TMTC2: variants seen among roughly 807,000 people sequenced by gnomAD.
TMTC2 encodes transmembrane O-mannosyltransferase targeting cadherins 2.
Under a neutral mutation model 82.4 loss-of-function variants are expected in TMTC2, and 43 were observed. That is an observed-to-expected ratio of 0.52 (90% CI 0.41 to 0.67). TMTC2 has a LOEUF of 0.67. TMTC2 is among the 30% of genes least tolerant of loss of function. The pLI, the probability that TMTC2 is intolerant of heterozygous loss-of-function variation, is 0.00. For synonymous variants in TMTC2, 408 were observed against 381.9 expected, an observed-to-expected ratio of 1.07 and a Z score of -0.80; for missense variants, 919 against 1,012.4, an observed-to-expected ratio of 0.91 and a Z score of 1.25.
At chr12:83,072,085 G>A (rs1592729117) in intron 11 of TMTC2, among the ~76,000 whole-genome samples, 2 of 151,978 alleles carry the variant, frequency 1.3e-5, no homozygotes, top group African/African-American at 2.4e-5. Flanking sequence ...CTAATTCCTC[G>A]AGGTGTGACC....
At chr12:82,703,498 C>CTTTT (rs539968079) in intron 1 of TMTC2, among the ~76,000 whole-genome samples, 19 of 121,644 alleles carry the variant, frequency 1.6e-4, no homozygotes, top group African/African-American at 1.9e-4. Context: ...TAGTTTCTTT[C>CTTTT]TTTTTTTTTT....
At chr12:82,769,322 A>G (rs1030848830) in intron 1 of TMTC2, among the ~76,000 whole-genome samples, 3 of 151,778 alleles carry the variant, frequency 2.0e-5, no homozygotes, top group Non-Finnish European at 2.9e-5. Flanking sequence ...AAAAAAATAC[A>G]AAAATTAGCC....
At chr12:82,877,631 T>A (rs538318326) in intron 2 of TMTC2, among the ~76,000 whole-genome samples, 4 of 152,300 alleles carry the variant, frequency 2.6e-5, no homozygotes, top group Admixed American at 2.6e-4. Flanking sequence ...TCTTCTCTCC[T>A]TCCTTATAAC....
At chr12:82,735,615 G>A (rs1436535543) in intron 1 of TMTC2, among the ~76,000 whole-genome samples, 1 of 150,678 alleles carries the variant, frequency 6.6e-6, no homozygotes, top group Non-Finnish European at 1.5e-5. Flanking sequence ...AAAGTGCTGG[G>A]ATTACAGGCG....
intron 7 of TMTC2, among the ~76,000 whole-genome samples, chr12:82,976,047 A>G (rs1239906240): frequency 6.6e-6 from 1 of 152,166 alleles, no homozygotes; most frequent in Non-Finnish European, 1.5e-5. Flanking sequence ...CCTGTCCCCA[A>G]CATACTCGTG....
At chr12:82,897,692 A>C (rs573544281) in intron 3 of TMTC2, among the ~76,000 whole-genome samples, 1 of 151,810 alleles carries the variant, frequency 6.6e-6, no homozygotes, top group Non-Finnish European at 1.5e-5. Context: ...CACCTGGCTA[A>C]TTTTTGTATT....
chr12:83,081,015 T>A (rs1285041087), intron 11 of TMTC2, among the ~76,000 whole-genome samples: 1 of 152,232 alleles, frequency 6.6e-6, no homozygotes, highest in African/African-American at 2.4e-5. Flanking sequence ...AGTGGTGTTG[T>A]GGTCCCTATC....
intron 11 of TMTC2, among the ~76,000 whole-genome samples, chr12:83,080,616 C>A (rs1883433248): frequency 6.6e-6 from 1 of 152,160 alleles, no homozygotes; most frequent in African/African-American, 2.4e-5. Context: ...AAACCCCAGG[C>A]AGCCGGGTTT....
At chr12:82,764,589 C>T (rs948107838) in intron 1 of TMTC2, among the ~76,000 whole-genome samples, 64 of 152,090 alleles carry the variant, frequency 4.2e-4, no homozygotes, top group Non-Finnish European at 4.9e-4. Flanking sequence ...TATTAAAAGA[C>T]CACATTTTGC....
chr12:82,709,794 T>C (rs1873540102), intron 1 of TMTC2, among the ~76,000 whole-genome samples: 1 of 152,236 alleles, frequency 6.6e-6, no homozygotes, highest in Admixed American at 6.5e-5. Flanking sequence ...AGTTCAATCC[T>C]AATGTTAATG....
chr12:82,866,581 A>G (rs1170741019), intron 2 of TMTC2, among the ~76,000 whole-genome samples: 1 of 152,140 alleles, frequency 6.6e-6, no homozygotes, highest in Admixed American at 6.5e-5. Flanking sequence ...TGCATATTAC[A>G]TCACTCAGCT....
intron 1 of TMTC2, among the ~76,000 whole-genome samples, chr12:82,693,991 A>AG (rs1289089904): frequency 1.4e-5 from 2 of 147,804 alleles, no homozygotes; most frequent in African/African-American, 2.5e-5. Flanking sequence ...AAAAAAAAAA[A>AG]GGTGTAAATG....
intron 4 of TMTC2, among the ~76,000 whole-genome samples, chr12:82,957,575 A>G (rs987291202): frequency 4.6e-5 from 7 of 152,184 alleles, no homozygotes; most frequent in African/African-American, 1.7e-4. Flanking sequence ...AAAAGAATCA[A>G]TGAACCCAAA....
chr12:82,867,520 C>T (rs1320044736), intron 2 of TMTC2, among the ~76,000 whole-genome samples: 2 of 152,070 alleles, frequency 1.3e-5, no homozygotes, highest in Non-Finnish European at 2.9e-5. Context: ...GAAAATATAT[C>T]CTGAATTCCC....
At chr12:82,965,133 T>C in intron 5 of TMTC2, 24 bp downstream of exon 5, 1 of 1,524,252 alleles carries the variant, frequency 6.6e-7, no homozygotes, top group Non-Finnish European at 9.0e-7. Context: ...AAGTGTTTAT[T>C]TTTTTATACC....
chr12:82,970,153 G>A (rs1592665266), intron 7 of TMTC2, among the ~76,000 whole-genome samples: 1 of 152,132 alleles, frequency 6.6e-6, no homozygotes, highest in East Asian at 1.9e-4. Context: ...TTCTCCCTGA[G>A]CATCCTTGGG....
At chr12:82,832,518 TA>T (rs1263506904) in intron 1 of TMTC2, among the ~76,000 whole-genome samples, 1 of 152,170 alleles carries the variant, frequency 6.6e-6, no homozygotes, top group Non-Finnish European at 1.5e-5. Flanking sequence ...GGGGTACCTC[TA>T]TATTTTGTCC....
chr12:83,097,992 T>G (rs557397329), intron 11 of TMTC2, among the ~76,000 whole-genome samples: 1 of 152,314 alleles, frequency 6.6e-6, no homozygotes, highest in Non-Finnish European at 1.5e-5. Context: ...GGAAGCCTCT[T>G]AGATAATATG....
At chr12:82,876,144 GGTGGTGGTGGTA>G (rs1335517362) in intron 2 of TMTC2, among the ~76,000 whole-genome samples, 11 of 146,318 alleles carry the variant, frequency 7.5e-5, no homozygotes, top group South Asian at 4.2e-4. Context: ...TGGTGGTGGT[GGTGGTGGTGGTA>G]GTGGTGGTAG....
Sources: allele counts gnomAD v4.1 joint callset (sites outside exome capture counted in the v4.1 genomes callset), GRCh38; gene constraint gnomAD v4.1.1; transcripts MANE v1.5; gene names NCBI Gene and HGNC (gene_info 2026-07-23, HGNC 2026-07-21).